The following SGTB variants were observed in gnomAD, a reference collection of about 807,000 sequenced individuals.
SGTB encodes small glutamine rich tetratricopeptide repeat co-chaperone beta.
A neutral mutation model predicts 43.9 loss-of-function variants in SGTB; 19 were observed. The ratio of observed to expected loss-of-function variants is 0.43; its 90% CI spans 0.30 to 0.63. The LOEUF (loss-of-function observed/expected upper bound fraction) is 0.63. Among genes scored for constraint, SGTB ranks in the 30% least tolerant of loss-of-function variants. The probability of loss-of-function intolerance (pLI) is 0.12; values close to 1 mark genes in which losing one functional copy is unlikely to be tolerated. For missense variants in SGTB, 304 were observed against 358.9 expected (o/e 0.85, Z 1.24); for synonymous variants, 116 against 117.3 (o/e 0.99, Z 0.07).
At chr5:65,691,934 GAA>G (rs70983684) in intron 5 of SGTB, among the ~76,000 whole-genome samples, 8 of 89,858 alleles carry the variant, frequency 8.9e-5, no homozygotes, top group Admixed American at 1.2e-4. Flanking sequence ...TCGTCTTAAA[GAA>G]AAAAAAAAAA....
At chr5:65,699,413 A>T (rs1282772889) in intron 5 of SGTB, among the ~76,000 whole-genome samples, 1 of 152,216 alleles carries the variant, frequency 6.6e-6, no homozygotes, top group East Asian at 1.9e-4. Context: ...GATGAGAGAT[A>T]AAAAACTACA....
rs1325846160 is a variant in SGTB, at chr5:65,666,091, A to G, written c.*4155T>C. The G allele has an allele frequency of 6.6e-6, 1 of 152,638 alleles. No individual in the cohort carries two copies. The highest frequency in any genetic ancestry group is 1.5e-5 in the Non-Finnish European group (1 of 68,006). The allele number at this position is 152,638 out of a possible 1,614,324, so 9.5% of individuals were successfully genotyped here. ...AAAATTGAAGTCTGTCTTTGTTTCA[A>G]AATGATTAAGATTAAATGATGAAAT... On this transcript the variant is annotated 3_prime_UTR_variant, in exon 11 of 11. Coordinates refer to ENST00000381007, the MANE Select transcript of SGTB (RefSeq NM_019072.3).
intron 8 of SGTB, among the ~76,000 whole-genome samples, chr5:65,674,316 T>C (rs2150703051): frequency 6.6e-6 from 1 of 152,308 alleles, no homozygotes; most frequent in African/African-American, 2.4e-5. Context: ...AGAGATTCTC[T>C]GTGTTGGGAT....
At chr5:65,703,217 G>C (rs1192068947) in intron 5 of SGTB, among the ~76,000 whole-genome samples, 1 of 152,180 alleles carries the variant, frequency 6.6e-6, no homozygotes. Flanking sequence ...ACTAAGGTAT[G>C]TCTATCTCCC....
intron 10 of SGTB, among the ~76,000 whole-genome samples, chr5:65,670,926 C>A (rs565629923): frequency 6.6e-6 from 1 of 152,092 alleles, no homozygotes; most frequent in Non-Finnish European, 1.5e-5. Context: ...TATAAAATGT[C>A]CAGCGAGAGC....
At chr5:65,675,133 C>G (rs945277013) in intron 8 of SGTB, among the ~76,000 whole-genome samples, 2 of 152,202 alleles carry the variant, frequency 1.3e-5, no homozygotes, top group Non-Finnish European at 2.9e-5. Context: ...CCTAAACCCA[C>G]TAAATCAAAG....
chr5:65,705,496 G>C (rs1757913871), intron 4 of SGTB, among the ~76,000 whole-genome samples: 1 of 151,976 alleles, frequency 6.6e-6, no homozygotes, highest in Non-Finnish European at 1.5e-5. Context: ...AAACAATGGA[G>C]ATTAGGAGGA....
chr5:65,720,387 T>A (rs1323687533), intron 2 of SGTB, among the ~76,000 whole-genome samples: 2 of 152,126 alleles, frequency 1.3e-5, no homozygotes, highest in Non-Finnish European at 2.9e-5. Flanking sequence ...TGGCCCTGGT[T>A]TTATTTTCTC....
intron 6 of SGTB, among the ~76,000 whole-genome samples, chr5:65,681,917 G>A (rs1757405061): frequency 6.6e-6 from 1 of 151,974 alleles, no homozygotes; most frequent in African/African-American, 2.4e-5. Context: ...GGAGGTTGCA[G>A]TGGGCCGAGA....
chr5:65,712,435 C>G (rs1268653498), intron 3 of SGTB, among the ~76,000 whole-genome samples: 1 of 152,194 alleles, frequency 6.6e-6, no homozygotes, highest in East Asian at 1.9e-4. Context: ...GATCAGAAAA[C>G]TTGGATTTCA....
At chr5:65,708,656 A>C in intron 3 of SGTB, 98 bp from the exon 4 acceptor site, 2 of 877,632 alleles carry the variant, frequency 2.3e-6, no homozygotes, top group Non-Finnish European at 3.4e-6. Context: ...ATTTTAAATC[A>C]TCTGTAACTC....
At chr5:65,722,746 G>GA, upstream of SGTB, 1 of 347,056 alleles carries the variant, frequency 2.9e-6, no homozygotes, top group South Asian at 3.3e-5. Flanking sequence ...TCCCAATGCA[G>GA]AACTACAGAC....
intron 6 of SGTB, among the ~76,000 whole-genome samples, chr5:65,684,780 T>C (rs142184930): frequency 0.023 from 3,454 of 152,220 alleles, 128 homozygotes; most frequent in African/African-American, 0.078. Flanking sequence ...CTTAAACTCC[T>C]GACCTCAAGT....
At position 65,702,387 on chromosome 5, in the gene SGTB, C is replaced by T. The variant is rs73763187; in HGVS notation, c.374+1892G>A. 5.8e-3 allele frequency among the ~76,000 whole-genome samples: 889 copies of T among 152,262 alleles called. 8 individuals are homozygous for T. The highest frequency in any genetic ancestry group is 0.02 in the African/African-American group (828 of 41,544). ...TTAAATTAAAAAGCAGAAAGAAATACCTAGACTTCTCTCTTCCTTCTACCC... is the reference window on the plus strand; with the variant it reads ...TTAAATTAAAAAGCAGAAAGAAATATCTAGACTTCTCTCTTCCTTCTACCC... On this transcript the variant is annotated intron_variant, in intron 5 of 10. Transcript: ENST00000381007.
At chr5:65,698,600 C>G (rs1579872288) in intron 5 of SGTB, among the ~76,000 whole-genome samples, 1 of 152,130 alleles carries the variant, frequency 6.6e-6, no homozygotes, top group Admixed American at 6.6e-5. Context: ...AAACAGACAA[C>G]CCACAGAATT....
chr5:65,707,903 T>C (rs1757967846), intron 4 of SGTB, among the ~76,000 whole-genome samples: 1 of 152,204 alleles, frequency 6.6e-6, no homozygotes, highest in African/African-American at 2.4e-5. Context: ...ACCCTAAAGC[T>C]TTGTAGTACA....
chr5:65,677,205 G>C (rs549622908), intron 8 of SGTB, among the ~76,000 whole-genome samples: 1 of 152,058 alleles, frequency 6.6e-6, no homozygotes, highest in South Asian at 2.1e-4. Flanking sequence ...GCATAAACTA[G>C]AAATTTTACT....
chr5:65,693,246 G>GAGGAAGGA (rs377444862), intron 5 of SGTB, among the ~76,000 whole-genome samples: 16 of 149,316 alleles, frequency 1.1e-4, no homozygotes, highest in African/African-American at 3.8e-4. Context: ...GAAAGAGAGA[G>GAGGAAGGA]AGGAAGGAAG....
At chr5:65,689,855 T>C (rs1010332103) in intron 5 of SGTB, among the ~76,000 whole-genome samples, 2 of 152,002 alleles carry the variant, frequency 1.3e-5, no homozygotes, top group Non-Finnish European at 2.9e-5. Context: ...AGACTAATTA[T>C]AAAAATGTTA....
Sources: allele counts gnomAD v4.1 joint callset (sites outside exome capture counted in the v4.1 genomes callset), GRCh38; gene constraint gnomAD v4.1.1; transcripts MANE v1.5; gene names NCBI Gene and HGNC (gene_info 2026-07-23, HGNC 2026-07-21).